The following TRIO variants were observed in gnomAD, a reference collection of about 807,000 sequenced individuals.
The protein encoded by TRIO is trio Rho guanine nucleotide exchange factor, also known as triple functional domain protein.
A neutral mutation model predicts 351.9 loss-of-function variants in TRIO; 58 were observed. The observed-to-expected ratio is 0.16, with a 90% CI of 0.13 to 0.21. TRIO has a LOEUF of 0.21. Among genes scored for constraint, TRIO ranks in the 10% least tolerant of loss-of-function variants. The pLI is 1.00. For missense variants in TRIO, 3,201 were observed against 4,027.8 expected (o/e 0.79, Z 5.56); for synonymous variants, 1,758 against 1,595.7 (o/e 1.10, Z -2.42).
chr5:14,387,413 A>G (rs1286458993), intron 21 of TRIO, 25 bp from the exon 22 acceptor site: 2 of 1,580,182 alleles, frequency 1.3e-6, no homozygotes, highest in African/African-American at 1.4e-5. Context: ...TTTGCCTCAC[A>G]ATACTTTCCT....
chr5:14,467,018 T>G (rs75426765), intron 37 of TRIO, among the ~76,000 whole-genome samples: 1 of 152,192 alleles, frequency 6.6e-6, no homozygotes, highest in African/African-American at 2.4e-5. Flanking sequence ...TTATGCACTA[T>G]TGTTATCCCA....
intron 28 of TRIO, among the ~76,000 whole-genome samples, chr5:14,395,502 G>A (rs1262405326): frequency 6.6e-6 from 1 of 152,190 alleles, no homozygotes; most frequent in African/African-American, 2.4e-5. Context: ...GCTCTCTTGA[G>A]CTCCCCAACA....
chr5:14,499,627 A>G (rs899911918), intron 53 of TRIO, among the ~76,000 whole-genome samples: 2 of 152,254 alleles, frequency 1.3e-5, no homozygotes, highest in African/African-American at 2.4e-5. Context: ...TCATGGAACA[A>G]GAAATCTAAA....
Position 14,498,320 on chromosome 5 carries a change from A to G in TRIO, c.8210+69A>G. On this transcript the variant is annotated intron_variant, in intron 52 of 56. Coordinates refer to ENST00000344204, the MANE Select transcript of TRIO (RefSeq NM_007118.4). Reference sequence around the variant, plus strand: ...CCATCTTGTCACTTGGCAACTGGAAATTCCTCCTTCACGGATGGATTTCTT... The same window carrying G: ...CCATCTTGTCACTTGGCAACTGGAAGTTCCTCCTTCACGGATGGATTTCTT... 3 of 1,581,354 alleles carry G rather than the reference A, an allele frequency of 1.9e-6. No individual in the cohort carries two copies. In the South Asian group the frequency reaches 3.4e-5, roughly 18 times the overall value.
chr5:14,181,361 C>T (rs1426323390), intron 1 of TRIO, among the ~76,000 whole-genome samples: 4 of 152,182 alleles, frequency 2.6e-5, no homozygotes, highest in African/African-American at 9.7e-5. Context: ...TTGTGGGCTG[C>T]TTCACCCGAG....
intron 10 of TRIO, among the ~76,000 whole-genome samples, chr5:14,334,281 G>A (rs367647367): frequency 1.3e-5 from 2 of 152,226 alleles, no homozygotes; most frequent in East Asian, 1.9e-4. Flanking sequence ...TCTCGTTCCC[G>A]GGAAAACCTG....
chr5:14,365,224 A>G (rs1256363634), intron 15 of TRIO, among the ~76,000 whole-genome samples: 2 of 152,222 alleles, frequency 1.3e-5, no homozygotes, highest in Non-Finnish European at 1.5e-5. Context: ...TGTTATCAGG[A>G]TACTGTAATA....
At chr5:14,310,354 C>T (rs534654205) in intron 8 of TRIO, among the ~76,000 whole-genome samples, 9 of 152,250 alleles carry the variant, frequency 5.9e-5, no homozygotes, top group East Asian at 3.8e-4. Flanking sequence ...GCTGCAGCCA[C>T]GGAGCACAAG....
At chr5:14,483,923 T>A (rs1234153342) in intron 46 of TRIO, among the ~76,000 whole-genome samples, 1 of 151,918 alleles carries the variant, frequency 6.6e-6, no homozygotes, top group Non-Finnish European at 1.5e-5. Context: ...TGCCCTGAAC[T>A]GTGCACCCAT....
intron 10 of TRIO, among the ~76,000 whole-genome samples, chr5:14,332,921 G>T (rs1741037093): frequency 6.6e-6 from 1 of 152,096 alleles, no homozygotes; most frequent in South Asian, 2.1e-4. Flanking sequence ...CAGATCTTTT[G>T]GTGAATACTA....
chr5:14,154,494 T>C (rs1293799746), intron 1 of TRIO, among the ~76,000 whole-genome samples: 1 of 152,088 alleles, frequency 6.6e-6, no homozygotes, highest in East Asian at 1.9e-4. Context: ...ACGTAGATGA[T>C]ATTTAGTTGG....
chr5:14,399,135 A>G (rs1466134360), intron 30 of TRIO, 65 bp downstream of exon 30: 8 of 1,454,916 alleles, frequency 5.5e-6, no homozygotes, highest in Admixed American at 3.4e-5. Flanking sequence ...TTGTAGGTAG[A>G]GAAGAATTGT....
Position 14,364,833 on chromosome 5 carries a change from A to T in TRIO, c.2754+17A>T. 2 of 1,601,350 alleles carry T rather than the reference A, an allele frequency of 1.2e-6. No individual in the cohort carries two copies. Among genetic ancestry groups the T allele is most frequent in the Admixed American group, 1.7e-5 (1 of 58,662 alleles). On this transcript the variant is annotated intron_variant, in intron 15 of 56. Coordinates refer to ENST00000344204, the MANE Select transcript of TRIO (RefSeq NM_007118.4). Reference sequence around the variant, plus strand: ...GTGAAACAGGTGAGCAAACGACTGGATGCTTGGGGAGGCTGCGCTACAGAT... The same window carrying T: ...GTGAAACAGGTGAGCAAACGACTGGTTGCTTGGGGAGGCTGCGCTACAGAT...
At chr5:14,160,339 C>T (rs143306104) in intron 1 of TRIO, among the ~76,000 whole-genome samples, 31 of 152,296 alleles carry the variant, frequency 2.0e-4, no homozygotes, top group African/African-American at 6.3e-4. Context: ...CTTTGTTTCC[C>T]AGTTTCAAAT....
chr5:14,336,072 A>G (rs1450710564), intron 10 of TRIO, among the ~76,000 whole-genome samples: 1 of 152,260 alleles, frequency 6.6e-6, no homozygotes, highest in Non-Finnish European at 1.5e-5. Context: ...ATAGCAACTT[A>G]TGTTTGTTTG....
At chr5:14,421,390 G>A (rs1256535007) in intron 34 of TRIO, among the ~76,000 whole-genome samples, 1 of 151,594 alleles carries the variant, frequency 6.6e-6, no homozygotes, top group Non-Finnish European at 1.5e-5. Context: ...GCTTACCTGA[G>A]GTCAAAAGTT....
At position 14,333,007 on chromosome 5, in the gene TRIO, C is replaced by G. The variant is rs1741047849; in HGVS notation, c.1854+2107C>G. Among the ~76,000 whole-genome samples, 2 of 152,218 alleles carry G rather than the reference C, an allele frequency of 1.3e-5. 1 individual carries two copies. Among genetic ancestry groups the G allele is most frequent in the South Asian group, 4.1e-4 (2 of 4,828 alleles). On this transcript the variant is annotated intron_variant, in intron 10 of 56. Coordinates refer to ENST00000344204, the MANE Select transcript of TRIO (RefSeq NM_007118.4). ...GCGACTTTGCCCTTCCTGCAGTCTTCAGCTGCAGGACCAGTTTTTACTAAA... is the reference window on the plus strand; with the variant it reads ...GCGACTTTGCCCTTCCTGCAGTCTTGAGCTGCAGGACCAGTTTTTACTAAA...
chr5:14,233,921 G>C (rs1793623425), intron 1 of TRIO, among the ~76,000 whole-genome samples: 2 of 152,110 alleles, frequency 1.3e-5, no homozygotes, highest in South Asian at 4.1e-4. Context: ...CTCCTGAGTA[G>C]CTGGGATTGC....
chr5:14,320,007 C>T (rs966543179), intron 9 of TRIO, among the ~76,000 whole-genome samples: 7 of 152,080 alleles, frequency 4.6e-5, no homozygotes, highest in African/African-American at 1.2e-4. Context: ...TAGAGCTGGG[C>T]GGGGAATTGG....
Sources: gnomAD v4.1 joint callset for allele counts (sites outside exome capture counted in the v4.1 genomes callset) on GRCh38, gnomAD v4.1.1 for gene constraint, MANE v1.5 for transcripts, NCBI Gene and HGNC (gene_info 2026-07-23, HGNC 2026-07-21) for gene names.